The following POLR1A variants were observed in gnomAD, a reference collection of about 807,000 sequenced individuals.
The protein encoded by POLR1A is RNA polymerase I subunit A.
POLR1A carries 84 observed loss-of-function variants against 205.3 expected under a neutral mutation model. The ratio of observed to expected loss-of-function variants is 0.41; its 90% CI spans 0.34 to 0.49. The LOEUF (loss-of-function observed/expected upper bound fraction) is 0.49, where lower values mean the gene tolerates loss of function less well. POLR1A is among the 20% of genes least tolerant of loss of function. The pLI, the probability that POLR1A is intolerant of heterozygous loss-of-function variation, is 0.22. For synonymous variants in POLR1A, 799 were observed against 863.7 expected, an observed-to-expected ratio of 0.93 and a Z score of 1.31; for missense variants, 1,645 against 2,204.5, an observed-to-expected ratio of 0.75 and a Z score of 5.08.
At chr2:86,077,389 C>T (rs1389116536) in intron 11 of POLR1A, among the ~76,000 whole-genome samples, 1 of 152,234 alleles carries the variant, frequency 6.6e-6, no homozygotes, top group Admixed American at 6.5e-5. Context: ...CTCCGGGACT[C>T]ACTCCCTTTC....
intron 24 of POLR1A, among the ~76,000 whole-genome samples, chr2:86,041,488 G>C (rs143862612): frequency 1.6e-4 from 24 of 152,180 alleles, no homozygotes; most frequent in African/African-American, 5.8e-4. Context: ...CGGATCCAAG[G>C]CCTCATGAGA....
At chr2:86,080,455 G>T (rs561603413) in intron 9 of POLR1A, among the ~76,000 whole-genome samples, 2 of 152,324 alleles carry the variant, frequency 1.3e-5, no homozygotes, top group Admixed American at 6.5e-5. Flanking sequence ...AGGGAAGTAG[G>T]CTATTCTTTC....
At chr2:86,104,311 G>A (rs1285931135) in intron 1 of POLR1A, among the ~76,000 whole-genome samples, 2 of 152,096 alleles carry the variant, frequency 1.3e-5, no homozygotes, top group Non-Finnish European at 2.9e-5. Flanking sequence ...GTGACACAAA[G>A]TAAGAGCCCA....
intron 14 of POLR1A, among the ~76,000 whole-genome samples, chr2:86,061,583 T>G (rs1467726866): frequency 6.6e-6 from 1 of 152,230 alleles, no homozygotes; most frequent in African/African-American, 2.4e-5. Context: ...GTGTTCACAG[T>G]AGCCCCATTT....
chr2:86,104,567 C>A (rs1394963665), intron 1 of POLR1A, among the ~76,000 whole-genome samples: 1 of 151,746 alleles, frequency 6.6e-6, no homozygotes, highest in Non-Finnish European at 1.5e-5. Context: ...CCTGCCTCAG[C>A]CTCCCGAGTA....
intron 16 of POLR1A, among the ~76,000 whole-genome samples, chr2:86,051,089 TTAAA>T: frequency 6.6e-6 from 1 of 152,330 alleles, no homozygotes; most frequent in East Asian, 1.9e-4. Context: ...TAGGAACTGG[TTAAA>T]TAAACTACAA....
Position 86,032,393 on chromosome 2 carries a change from T to C in POLR1A, c.4162-11A>G, listed in dbSNP as rs1384603500. ...ACCCTCCTGCTCTCCCTGTGGTTTG[T>C]GGGCAAGGAAGAAAAAGATTAACTC... On this transcript the variant is annotated splice_polypyrimidine_tract_variant and intron_variant, in intron 28 of 33. Coordinates refer to ENST00000263857, the MANE Select transcript of POLR1A (RefSeq NM_015425.6). 6.3e-7 allele frequency: 1 copy of C among 1,585,890 alleles called. No individual in the cohort carries two copies. The highest frequency in any genetic ancestry group is 1.7e-5 in the Admixed American group (1 of 59,998).
At position 86,065,273 on chromosome 2, in the gene POLR1A, C is replaced by T; in HGVS notation, c.2058+1G>A. 6.2e-7 allele frequency: 1 copy of T among 1,612,248 alleles called. No individual in the cohort carries two copies. Among genetic ancestry groups the T allele is most frequent in the Non-Finnish European group, 8.5e-7 (1 of 1,179,212 alleles). The stretch of plus-strand genomic sequence containing the variant: ...TACACTGGCTGTTCTCTCCCAATTA[C>T]CTGTTTTCCTGTCCACAGCGGAAAG... On this transcript the variant is annotated splice_donor_variant, in intron 14 of 33. Coordinates refer to ENST00000263857, the MANE Select transcript of POLR1A (RefSeq NM_015425.6). LOFTEE classifies it high-confidence loss of function.
chr2:86,045,382 TC>T, intron 20 of POLR1A, 22 bp from the exon 21 acceptor site: 1 of 1,589,322 alleles, frequency 6.3e-7, no homozygotes, highest in Non-Finnish European at 8.6e-7. Flanking sequence ...GGGACCCAGG[TC>T]CCAAAGGTGA....
At chr2:86,078,603 G>C (rs1403225142) in intron 9 of POLR1A, among the ~76,000 whole-genome samples, 1 of 152,168 alleles carries the variant, frequency 6.6e-6, no homozygotes, top group Non-Finnish European at 1.5e-5. Context: ...AGAAAACTAA[G>C]AAGTCCTTCC....
intron 12 of POLR1A, among the ~76,000 whole-genome samples, chr2:86,071,228 A>ATG (rs3077169): frequency 0.016 from 689 of 43,584 alleles, 8 homozygotes; most frequent in African/African-American, 0.034. Context: ...CTCCGTGTGC[A>ATG]TGTGTGTGTG....
intron 27 of POLR1A, among the ~76,000 whole-genome samples, chr2:86,034,891 G>A (rs535545948): frequency 4.0e-5 from 6 of 150,532 alleles, no homozygotes; most frequent in Non-Finnish European, 7.4e-5. Flanking sequence ...CCACCGTCCC[G>A]AGATGGAGTC....
chr2:86,038,879 G>A (rs748434362), intron 26 of POLR1A, 22 bp from the exon 27 acceptor site: 2 of 1,613,118 alleles, frequency 1.2e-6, no homozygotes, highest in East Asian at 2.2e-5. Context: ...CGGACAGAGA[G>A]AACTTGACTT....
Position 86,038,695 on chromosome 2 carries a change from C to T in POLR1A, c.4034+5G>A. 2 of 1,612,966 alleles carry T rather than the reference C, an allele frequency of 1.2e-6. No homozygotes were observed. Among genetic ancestry groups the T allele is most frequent in the Non-Finnish European group, 1.7e-6 (2 of 1,179,818 alleles). On this transcript the variant is annotated splice_donor_5th_base_variant and intron_variant, in intron 27 of 33. Coordinates refer to ENST00000263857, the MANE Select transcript of POLR1A (RefSeq NM_015425.6). ...GTCAATGACAATCACAGCCTGAGCC[C>T]TGACCTTGTTTCCATGAAGCGCAGG...
chr2:86,036,521 G>A (rs1429577292), intron 27 of POLR1A, among the ~76,000 whole-genome samples: 1 of 152,166 alleles, frequency 6.6e-6, no homozygotes, highest in African/African-American at 2.4e-5. Context: ...GAGGAAGGAA[G>A]GGGGAGGGAT....
chr2:86,100,060 ACACCTCTTTGGAATCTGCAGGGCCCAAAG>A lies in POLR1A; in HGVS notation c.161_189del (p.Ala54ValfsTer19). 6.2e-7 allele frequency: 1 copy of A among 1,614,186 alleles called. No homozygotes were observed. The highest frequency in any genetic ancestry group is 8.5e-7 in the Non-Finnish European group (1 of 1,180,016). ...CTGAAGTCCTGCACGCAGGTGGAGC[ACACCTCTTTGGAATCTGCAGGGCCCAAAG>A]CTAAATCGTACAGGCCGTTTGCCGA... On this transcript the variant is annotated frameshift_variant, in exon 2 of 34. Coordinates refer to ENST00000263857, the MANE Select transcript of POLR1A (RefSeq NM_015425.6). LOFTEE classifies it high-confidence loss of function.
intron 6 of POLR1A, among the ~76,000 whole-genome samples, chr2:86,087,018 T>C (rs2104426812): frequency 6.6e-6 from 1 of 152,350 alleles, no homozygotes; most frequent in South Asian, 2.1e-4. Context: ...GGTTGGATCC[T>C]GGAGCATAAA....
chr2:86,101,663 TTCA>T (rs750565075), intron 1 of POLR1A, among the ~76,000 whole-genome samples: 7 of 152,344 alleles, frequency 4.6e-5, no homozygotes, highest in Middle Eastern at 6.8e-3. Context: ...TATATATAAA[TTCA>T]TCATAACTGT....
chr2:86,041,397 TG>T (rs1326303816), intron 24 of POLR1A, among the ~76,000 whole-genome samples: 10 of 152,092 alleles, frequency 6.6e-5, no homozygotes, highest in African/African-American at 2.4e-4. Flanking sequence ...TGTCTGTGTG[TG>T]TGTGTGTGTG....
Sources: allele counts gnomAD v4.1 joint callset (sites outside exome capture counted in the v4.1 genomes callset), GRCh38; gene constraint gnomAD v4.1.1; transcripts MANE v1.5; gene names NCBI Gene and HGNC (gene_info 2026-07-23, HGNC 2026-07-21).